The following THADA variants were observed in gnomAD, a reference collection of about 807,000 sequenced individuals.
THADA encodes the protein tRNA (32-2'-O)-methyltransferase regulator THADA.
Under a neutral mutation model 219.8 loss-of-function variants are expected in THADA, and 213 were observed. The ratio of observed to expected loss-of-function variants is 0.97; its 90% confidence interval spans 0.87 to 1.09. The LOEUF is 1.09. Ranked by LOEUF, THADA falls within the 50% of genes least tolerant of loss-of-function variation. The pLI, the probability that THADA is intolerant of heterozygous loss-of-function variation, is 0.00. For synonymous variants in THADA, 1,018 were observed against 828.9 expected, an observed-to-expected ratio of 1.23 and a Z score of -3.92; for missense variants, 2,956 against 2,311.3, an observed-to-expected ratio of 1.28 and a Z score of -5.72.
rs997658620 is a variant in THADA at position 43,230,893 on chromosome 2, G to A, written c.*55C>T. ...ATTTATGTTCAACATGTTTCCTGCA[G>A]ATTTAGTGGAGGAAAAATCCACACA... is the stretch of plus-strand genomic sequence containing the variant. On this transcript the variant is annotated 3_prime_UTR_variant, in exon 38 of 38. Transcript: ENST00000405975. 3.1e-5 allele frequency: 48 copies of A among 1,524,932 alleles called. No homozygotes were observed. Among genetic ancestry groups the A allele is most frequent in the Non-Finnish European group, 4.1e-5 (47 of 1,135,366 alleles). 94.5% of individuals were successfully genotyped at this position (1,524,932 alleles called of 1,614,324 possible).
chr2:43,259,651 T>A lies in THADA; in HGVS notation c.5296+20114A>T, dbSNP rs548151553. On this transcript the variant is annotated intron_variant, in intron 36 of 37. Transcript: ENST00000405975. ...GTTAACAATATATCACGGATGCCTT[T>A]GCATGTGGGTTCATACTGATTTACT... 1.0e-3 allele frequency among the ~76,000 whole-genome samples: 160 copies of A among 152,386 alleles called. 1 individual carries two copies. The highest frequency in any genetic ancestry group is 3.6e-3 in the African/African-American group (148 of 41,592).
chr2:43,375,624 A>C lies in THADA; in HGVS notation c.4227+22347T>G, dbSNP rs544112898. 5.3e-5 allele frequency among the ~76,000 whole-genome samples: 8 copies of C among 152,342 alleles called. No individual in the cohort carries two copies. The South Asian group carries it at 1.7e-3, about 32-fold the overall frequency. On this transcript the variant is annotated intron_variant, in intron 29 of 37. Transcript: ENST00000405975. The stretch of plus-strand genomic sequence containing the variant: ...AGCATGCACTTCAAAATAATTTTAC[A>C]CAGAGGAAAATTTTGTAAATGTTTT...
At chr2:43,576,906 C>T in intron 10 of THADA, 116 bp downstream of exon 10, 1 of 869,288 alleles carries the variant, frequency 1.2e-6, no homozygotes, top group Non-Finnish European at 1.8e-6. Context: ...CCTCTTGCCT[C>T]AGCCTACTGG....
intron 24 of THADA, 115 bp from the exon 25 acceptor site, chr2:43,499,070 G>T (rs1688613830): frequency 9.0e-7 from 1 of 1,112,968 alleles, no homozygotes; most frequent in South Asian, 1.9e-5. Flanking sequence ...ACAAGAAATG[G>T]ATAATCCGCA....
intron 22 of THADA, among the ~76,000 whole-genome samples, chr2:43,514,640 T>C (rs1690994145): frequency 1.2e-5 from 1 of 81,900 alleles, no homozygotes. Context: ...GTATATTTTA[T>C]ATATAATATA....
At chr2:43,467,804 T>C (rs943515151) in intron 26 of THADA, among the ~76,000 whole-genome samples, 5 of 152,230 alleles carry the variant, frequency 3.3e-5, no homozygotes, top group Non-Finnish European at 7.3e-5. Flanking sequence ...ATCTACACTG[T>C]AGAGACTGTC....
intron 29 of THADA, among the ~76,000 whole-genome samples, chr2:43,358,525 T>C (rs1228989625): frequency 6.6e-6 from 1 of 152,236 alleles, no homozygotes; most frequent in Non-Finnish European, 1.5e-5. Flanking sequence ...GTATCTCTAA[T>C]GTTGCCTCCT....
chr2:43,383,101 T>C (rs750376626), intron 29 of THADA, among the ~76,000 whole-genome samples: 5 of 152,294 alleles, frequency 3.3e-5, no homozygotes, highest in South Asian at 4.1e-4. Context: ...TGAACACTTA[T>C]GGGATGGGAC....
At chr2:43,270,242 T>G (rs1671971247) in intron 36 of THADA, among the ~76,000 whole-genome samples, 1 of 152,178 alleles carries the variant, frequency 6.6e-6, no homozygotes, top group Non-Finnish European at 1.5e-5. Context: ...TTCTTGGGCT[T>G]CAGTTTCCAC....
chr2:43,542,594 G>A (rs1695468988), intron 20 of THADA, among the ~76,000 whole-genome samples: 1 of 152,176 alleles, frequency 6.6e-6, no homozygotes, highest in Non-Finnish European at 1.5e-5. Context: ...TCGAATTCTG[G>A]AAGCTTGACA....
intron 28 of THADA, among the ~76,000 whole-genome samples, chr2:43,400,675 G>C (rs1674726919): frequency 6.6e-6 from 1 of 151,894 alleles, no homozygotes; most frequent in African/African-American, 2.4e-5. Context: ...TCTCAGTACA[G>C]TTAAGAATGG....
chr2:43,305,950 T>G (rs1676807315), intron 31 of THADA, among the ~76,000 whole-genome samples: 4 of 146,624 alleles, frequency 2.7e-5, no homozygotes, highest in Non-Finnish European at 3.0e-5. Context: ...CCCTCCCTTC[T>G]TCCCTCCCTC....
intron 26 of THADA, among the ~76,000 whole-genome samples, chr2:43,450,415 T>C (rs1244456838): frequency 2.0e-5 from 3 of 152,064 alleles, no homozygotes; most frequent in Admixed American, 1.3e-4. Flanking sequence ...GAAGTTAAGG[T>C]GGTATAAATT....
chr2:43,236,380 C>A (rs2104025933), intron 36 of THADA, among the ~76,000 whole-genome samples: 1 of 152,314 alleles, frequency 6.6e-6, no homozygotes, highest in African/African-American at 2.4e-5. Flanking sequence ...CTACCTTGCC[C>A]TGGACTAAGA....
chr2:43,541,673 T>A (rs1457494562), intron 20 of THADA, among the ~76,000 whole-genome samples: 2 of 152,046 alleles, frequency 1.3e-5, no homozygotes, highest in African/African-American at 4.8e-5. Context: ...CACACCCAGT[T>A]AATTTTTGTA....
intron 24 of THADA, among the ~76,000 whole-genome samples, chr2:43,504,047 TA>T (rs560013773): frequency 7.6e-4 from 115 of 152,152 alleles, no homozygotes; most frequent in Non-Finnish European, 1.3e-3. Flanking sequence ...ACCTGTTCAG[TA>T]TAATGCAAAT....
chr2:43,370,704 A>T (rs1037545214), intron 29 of THADA, among the ~76,000 whole-genome samples: 1 of 152,234 alleles, frequency 6.6e-6, no homozygotes, highest in Admixed American at 6.5e-5. Flanking sequence ...GGTGTATCAC[A>T]GCTATGTTCA....
At chr2:43,317,925 T>C (rs1678259907) in intron 31 of THADA, among the ~76,000 whole-genome samples, 1 of 152,256 alleles carries the variant, frequency 6.6e-6, no homozygotes, top group Admixed American at 6.5e-5. Flanking sequence ...CCTTTTGGGT[T>C]ATGATGTCAT....
At position 43,480,112 on chromosome 2, in the gene THADA, G is replaced by C. The variant is rs188448553; in HGVS notation, c.3836+5122C>G. ...GGTGTGTAACAGCATGTGCTCTGCA[G>C]ATGGAGCTCGCTTTGTGTTCTAGTT... On this transcript the variant is annotated intron_variant, in intron 26 of 37. Coordinates refer to ENST00000405975, the MANE Select transcript of THADA (RefSeq NM_022065.5). 7.9e-5 allele frequency among the ~76,000 whole-genome samples: 12 copies of C among 152,366 alleles called. No homozygotes were observed. The East Asian group carries it at 2.1e-3, about 27-fold the overall frequency.
Sources: gnomAD v4.1 joint callset for allele counts (sites outside exome capture counted in the v4.1 genomes callset) on GRCh38, gnomAD v4.1.1 for gene constraint, MANE v1.5 for transcripts, NCBI Gene and HGNC (gene_info 2026-07-23, HGNC 2026-07-21) for gene names.